The following FOXN1 variants were observed in gnomAD, a reference collection of about 807,000 sequenced individuals.
FOXN1 encodes the protein forkhead box N1, also known as forkhead box protein N1.
Under a neutral mutation model 49.0 loss-of-function variants are expected in FOXN1, and 15 were observed. The observed-to-expected ratio is 0.31, with a 90% CI of 0.20 to 0.47. FOXN1 has a LOEUF of 0.47. Ranked by LOEUF, FOXN1 falls within the 20% of genes least tolerant of loss-of-function variation. The probability of loss-of-function intolerance (pLI) is 1.00; values close to 1 mark genes in which losing one functional copy is unlikely to be tolerated. For missense variants in FOXN1, 800 were observed against 842.8 expected (o/e 0.95, Z 0.63); for synonymous variants, 356 against 369.0 (o/e 0.96, Z 0.40).
intron 1 of FOXN1, among the ~76,000 whole-genome samples, chr17:28,522,015 C>T (rs1300175835): frequency 6.6e-6 from 1 of 152,210 alleles, no homozygotes; most frequent in Non-Finnish European, 1.5e-5. Flanking sequence ...CCAGCCTAGC[C>T]TACCCCAACT....
At chr17:28,532,409 C>G (rs1260643281) in intron 6 of FOXN1, among the ~76,000 whole-genome samples, 1 of 152,184 alleles carries the variant, frequency 6.6e-6, no homozygotes, top group Non-Finnish European at 1.5e-5. Context: ...TATGGGGTGA[C>G]CTGGGCAGGG....
At chr17:28,533,481 G>A (rs911770858) in intron 6 of FOXN1, among the ~76,000 whole-genome samples, 2 of 126,158 alleles carry the variant, frequency 1.6e-5, no homozygotes, top group Admixed American at 8.1e-5. Context: ...CTATTGGCAC[G>A]AGCACCCCCC....
chr17:28,530,630 C>T (rs1296553340), intron 5 of FOXN1, 119 bp from the exon 6 acceptor site: 2 of 725,628 alleles, frequency 2.8e-6, no homozygotes, highest in Non-Finnish European at 5.1e-6. Context: ...TGGACACCTT[C>T]TCATTCCCTT....
chr17:28,520,742 C>G (rs927692092), intron 1 of FOXN1, among the ~76,000 whole-genome samples: 1 of 152,174 alleles, frequency 6.6e-6, no homozygotes, highest in East Asian at 1.9e-4. Context: ...TGGGGTGAGG[C>G]CGACACTGCG....
At chr17:28,510,720 C>A (rs546374715) in intron 1 of FOXN1, among the ~76,000 whole-genome samples, 1 of 152,334 alleles carries the variant, frequency 6.6e-6, no homozygotes, top group East Asian at 1.9e-4. Context: ...GGGGCAGTGT[C>A]CCCAGCTTCC....
At chr17:28,521,639 G>A (rs1335570507) in intron 1 of FOXN1, among the ~76,000 whole-genome samples, 1 of 152,242 alleles carries the variant, frequency 6.6e-6, no homozygotes, top group Non-Finnish European at 1.5e-5. Flanking sequence ...TCAAGAAGGG[G>A]TGGTGGGGAC....
At chr17:28,508,628 A>G (rs531678104) in intron 1 of FOXN1, among the ~76,000 whole-genome samples, 5 of 152,318 alleles carry the variant, frequency 3.3e-5, no homozygotes, top group Middle Eastern at 3.4e-3. Flanking sequence ...GCCCAGGCAC[A>G]TAGGCAGAGA....
rs181248500 is a variant in FOXN1, at chr17:28,529,299, C to T, written c.830+75C>T. 176 of 1,561,144 alleles carry T rather than the reference C, an allele frequency of 1.1e-4. No individual in the cohort carries two copies. In the African/African-American group the frequency reaches 2.2e-3, roughly 19 times the overall value. ...CCCTGGGAACACTGAGGCATGGAAT[C>T]CTCTGGGTCTACCAGTAATGGCAGC... On this transcript the variant is annotated intron_variant, in intron 5 of 8. Transcript: ENST00000579795.
intron 1 of FOXN1, among the ~76,000 whole-genome samples, chr17:28,510,397 C>T (rs1048370382): frequency 6.6e-6 from 1 of 151,986 alleles, no homozygotes; most frequent in Non-Finnish European, 1.5e-5. Context: ...CACAGACACA[C>T]GCGCACGCAC....
chr17:28,512,454 C>G (rs2069413424), intron 1 of FOXN1, among the ~76,000 whole-genome samples: 1 of 152,228 alleles, frequency 6.6e-6, no homozygotes, highest in South Asian at 2.1e-4. Context: ...CAGGCCAGTT[C>G]TCACCATCAG....
In FOXN1 at chr17:28,535,210, G is replaced by A. The variant is rs1305887398; in HGVS notation, c.1627+12G>A. 6.8e-6 allele frequency: 11 copies of A among 1,611,866 alleles called. No individual in the cohort carries two copies. Among genetic ancestry groups the A allele is most frequent in the Admixed American group, 1.7e-5 (1 of 59,938 alleles). Reference sequence around the variant, plus strand: ...CTTCGACTTCCAGGGTGAGCTGGGGGTGGGAAAGGGAAGGTGGGACAGGAC... The same window carrying A: ...CTTCGACTTCCAGGGTGAGCTGGGGATGGGAAAGGGAAGGTGGGACAGGAC... On this transcript the variant is annotated intron_variant, in intron 8 of 8. Coordinates refer to ENST00000579795, the MANE Select transcript of FOXN1 (RefSeq NM_001369369.1).
At chr17:28,521,317 G>A (rs77674974) in intron 1 of FOXN1, among the ~76,000 whole-genome samples, 3,976 of 152,330 alleles carry the variant, frequency 0.026, 170 homozygotes, top group African/African-American at 0.089. Context: ...TACAAAGCCT[G>A]AGATCTGGCG....
chr17:28,538,638 A>C lies in FOXN1; in HGVS notation c.*1202A>C, dbSNP rs2070131321. Reference sequence around the variant, plus strand: ...CAGGGTGACAGGGAAGCACCCATGCAAAGCACCCCCGCTTTGACTGCTTGG... The same window carrying C: ...CAGGGTGACAGGGAAGCACCCATGCCAAGCACCCCCGCTTTGACTGCTTGG... On this transcript the variant is annotated 3_prime_UTR_variant, in exon 9 of 9. Transcript: ENST00000579795. 6.6e-6 allele frequency: 1 copy of C among 152,204 alleles called. No individual in the cohort carries two copies. Among genetic ancestry groups the C allele is most frequent in the Non-Finnish European group, 1.5e-5 (1 of 68,036 alleles). 9.4% of individuals were successfully genotyped at this position (152,204 alleles called of 1,614,324 possible). A position where few individuals can be genotyped will look rare whatever the true frequency, so the allele number is the denominator to read the frequency against.
intron 3 of FOXN1, among the ~76,000 whole-genome samples, chr17:28,526,075 C>T (rs541968336): frequency 1.7e-4 from 26 of 152,358 alleles, no homozygotes; most frequent in Non-Finnish European, 2.6e-4. Flanking sequence ...GGCCAAGTGA[C>T]TTGCCCAGGG....
At chr17:28,530,970 C>G (rs1437673466) in intron 6 of FOXN1, 125 bp downstream of exon 6, 2 of 698,982 alleles carry the variant, frequency 2.9e-6, no homozygotes, top group South Asian at 3.0e-5. Flanking sequence ...AGGGCTTACC[C>G]CCACCATGCT....
Position 28,534,891 on chromosome 17 carries a change from G to T in FOXN1, c.1320G>T (p.Gln440His). 1 of 1,614,110 alleles carries T rather than the reference G, an allele frequency of 6.2e-7. No individual in the cohort carries two copies. The highest frequency in any genetic ancestry group is 1.1e-5 in the South Asian group (1 of 91,084). ...PGPIPGKNPLQDLLMGHTPSC... is the reference protein window; with the variant it reads ...PGPIPGKNPLHDLLMGHTPSC... ...CCATTCCTGGCAAGAACCCCCTGCA[G>T]GACCTACTTATGGGGCACACACCCT... The change falls in exon 8 of 9, where the codon CAG becomes CAT. Residue 440 changes from glutamine to histidine, a missense_variant. Around this residue, in one of 3 missense-constraint regions of FOXN1, gnomAD observed 344 missense variants for 366.1 expected, o/e 0.94. Coordinates refer to ENST00000579795, the MANE Select transcript of FOXN1 (RefSeq NM_001369369.1). This position sits in a 1 kb window ranked among gnomAD's most constrained non-coding sequence, Gnocchi z 4.1.
chr17:28,531,476 A>T lies in FOXN1; in HGVS notation c.927+631A>T, dbSNP rs113679772. 2.4e-3 allele frequency among the ~76,000 whole-genome samples: 359 copies of T among 152,228 alleles called. 2 individuals are homozygous for T. Among genetic ancestry groups the T allele is most frequent in the African/African-American group, 8.1e-3 (335 of 41,546 alleles). ...GAGCCTTACCCAGCTCCCTCTCTAG[A>T]GGCAGGACAGGGGCTCTTCTCCCAA... is the stretch of plus-strand genomic sequence containing the variant. On this transcript the variant is annotated intron_variant, in intron 6 of 8. Coordinates refer to ENST00000579795, the MANE Select transcript of FOXN1 (RefSeq NM_001369369.1).
intron 1 of FOXN1, among the ~76,000 whole-genome samples, chr17:28,517,121 A>C (rs1390864147): frequency 7.7e-3 from 235 of 30,350 alleles, no homozygotes; most frequent in Non-Finnish European, 9.6e-3. Flanking sequence ...TCCATACCTC[A>C]AAAGGGTACA....
At position 28,524,733 on chromosome 17, in the gene FOXN1, C is replaced by T; in HGVS notation, c.354C>T (p.Gly118=). ...AASSPGRFLK[G]SHAPFHPYKR... ...GCAGCCCTGGGCGATTCCTCAAGGG[C>T]AGCCACGCGCCCTTCCACCCGTACA... The change falls in exon 3 of 9, where the codon GGC becomes GGT. Residue 118 remains glycine, a synonymous_variant. Coordinates refer to ENST00000579795, the MANE Select transcript of FOXN1 (RefSeq NM_001369369.1). 1.2e-6 allele frequency: 2 copies of T among 1,612,668 alleles called. No individual in the cohort carries two copies. The highest frequency in any genetic ancestry group is 1.7e-6 in the Non-Finnish European group (2 of 1,179,480).
Sources: allele counts gnomAD v4.1 joint callset (sites outside exome capture counted in the v4.1 genomes callset), GRCh38; gene constraint gnomAD v4.1.1; regional missense constraint gnomAD v4.1.1; non-coding constraint Gnocchi (gnomAD v3.1); transcripts MANE v1.5; gene names NCBI Gene and HGNC (gene_info 2026-07-23, HGNC 2026-07-21).